Variants in PDE6B observed in about 807,000 individuals in gnomAD.
The protein encoded by PDE6B is rod cGMP-specific 3',5'-cyclic phosphodiesterase subunit beta.
In PDE6B, 106 loss-of-function variants were observed where a neutral mutation model predicts 109.0. That is an observed-to-expected ratio of 0.97 (90% confidence interval 0.83 to 1.14). The LOEUF is 1.14. PDE6B is among the 50% of genes most tolerant of loss of function. The pLI, the probability that PDE6B is intolerant of heterozygous loss-of-function variation, is 0.00. For synonymous variants in PDE6B, 490 were observed against 471.3 expected (o/e 1.04, Z -0.51); for missense variants, 1,193 against 1,155.6 (o/e 1.03, Z -0.47).
chr4:634,640 C>T (rs776240837), intron 1 of PDE6B, 37 bp from the exon 2 acceptor site: 15 of 1,585,436 alleles, frequency 9.5e-6, no homozygotes, highest in Middle Eastern at 1.7e-4. Context: ...GCCCACGGTG[C>T]GACAGCCTCT....
At position 662,961 on chromosome 4, in the gene PDE6B, C is replaced by T; in HGVS notation, c.1833-139C>T. The T allele has an allele frequency of 1.4e-6, 1 of 697,578 alleles. No homozygotes were observed. The highest frequency in any genetic ancestry group is 1.5e-5 in the South Asian group (1 of 66,490). The allele number at this position is 697,578 out of a possible 1,614,324, so 43.2% of individuals were successfully genotyped here. On this transcript the variant is annotated intron_variant, in intron 14 of 21. Transcript: ENST00000496514. This position sits in a 1 kb window ranked among gnomAD's most constrained non-coding sequence, Gnocchi z 4.3. ...AAGGCTGTATTGAGCCATGATTGCA[C>T]CACTGCACTCCAGAGTGGGTGACAG...
intron 9 of PDE6B, among the ~76,000 whole-genome samples, 158 bp downstream of exon 9, chr4:657,181 C>T (rs956541697): frequency 7.9e-5 from 12 of 152,162 alleles, no homozygotes. Context: ...AGGGCCCCCC[C>T]GGGAGCAGGA....
chr4:640,781 A>C (rs1205209045), intron 3 of PDE6B, among the ~76,000 whole-genome samples: 1 of 152,218 alleles, frequency 6.6e-6, no homozygotes, highest in Non-Finnish European at 1.5e-5. Flanking sequence ...ATCCAGCACC[A>C]TATGTAGAAA....
rs1241719893 is a variant in PDE6B, at chr4:664,177, G to C, written c.2085G>C (p.Trp695Cys). The change falls in exon 17 of 22, where the codon TGG becomes TGC. Residue 695 changes from tryptophan (W) to cysteine (C), a missense_variant. Transcript: ENST00000496514. ...AGAACTACCAGGACAAGAAGAGCTGGGTGGAGTACCTGTCCCTGGAGACGA... is the reference window on the plus strand; with the variant it reads ...AGAACTACCAGGACAAGAAGAGCTGCGTGGAGTACCTGTCCCTGGAGACGA... Reference protein sequence around the residue: ...ESKNYQDKKSWVEYLSLETTR... With the variant: ...ESKNYQDKKSCVEYLSLETTR... 1 of 1,612,152 alleles carries C rather than the reference G, an allele frequency of 6.2e-7. No individual in the cohort carries two copies. Among genetic ancestry groups the C allele is most frequent in the Admixed American group, 1.7e-5 (1 of 60,022 alleles).
chr4:631,978 C>G lies in PDE6B; in HGVS notation c.469-2699C>G, dbSNP rs902898790. Among the ~76,000 whole-genome samples the G allele has an allele frequency of 2.9e-4, 43 of 150,474 alleles. No individual in the cohort carries two copies. In the South Asian group the frequency reaches 4.0e-3, roughly 14 times the overall value. On this transcript the variant is annotated intron_variant, in intron 1 of 21. Coordinates refer to ENST00000496514, the MANE Select transcript of PDE6B (RefSeq NM_000283.4). ...GTGGCACCATCTGCTATCTCAGGGT[C>G]ACATTGCATGGATTCATGTGGCACC... is the stretch of plus-strand genomic sequence containing the variant.
chr4:642,335 G>T (rs892850464), intron 3 of PDE6B, among the ~76,000 whole-genome samples: 1 of 152,050 alleles, frequency 6.6e-6, no homozygotes, highest in Non-Finnish European at 1.5e-5. Context: ...AATTAGCCAG[G>T]CATGGTGGTG....
At chr4:644,235 G>C (rs1052110315) in intron 3 of PDE6B, among the ~76,000 whole-genome samples, 4 of 151,704 alleles carry the variant, frequency 2.6e-5, no homozygotes, top group African/African-American at 9.7e-5. Flanking sequence ...CTTTTAAAAG[G>C]TCTCTTCAGA....
Position 663,055 on chromosome 4 carries a change from C to A in PDE6B, c.1833-45C>A. 8.9e-7 allele frequency: 1 copy of A among 1,127,794 alleles called. No homozygotes were observed. Among genetic ancestry groups the A allele is most frequent in the Non-Finnish European group, 1.4e-6 (1 of 735,780 alleles). The allele number at this position is 1,127,794 out of a possible 1,614,324, so 69.9% of individuals were successfully genotyped here. On this transcript the variant is annotated intron_variant, in intron 14 of 21. Coordinates refer to ENST00000496514, the MANE Select transcript of PDE6B (RefSeq NM_000283.4). The surrounding 1 kb of genome is among the most constrained non-coding windows in gnomAD (Gnocchi z 4.0). Reference sequence around the variant, plus strand: ...GGGGGCTGCAGAGCGCAGGGTGGGCCAAGGGCAGGTCCCACGGGCCTCACC... The same window carrying A: ...GGGGGCTGCAGAGCGCAGGGTGGGCAAAGGGCAGGTCCCACGGGCCTCACC...
chr4:643,950 C>T lies in PDE6B; in HGVS notation c.711+7981C>T, dbSNP rs576204737. On this transcript the variant is annotated intron_variant, in intron 3 of 21. Transcript: ENST00000496514. The stretch of plus-strand genomic sequence containing the variant: ...TTTTTTTTTTTTTTTGAGGGAGTCT[C>T]GCTCTGTAGCCAGGCTGGAGTGCAG... Among the ~76,000 whole-genome samples, 19 of 128,138 alleles carry T rather than the reference C, an allele frequency of 1.5e-4. No homozygotes were observed. In the South Asian group the frequency reaches 2.2e-3, roughly 15 times the overall value. The allele number at this position is 128,138 out of a possible 152,430, so 84.1% of individuals were successfully genotyped here. A position where few individuals can be genotyped will look rare whatever the true frequency, so the allele number is the denominator to read the frequency against.
intron 3 of PDE6B, among the ~76,000 whole-genome samples, chr4:650,355 C>A (rs1577262902): frequency 6.6e-6 from 1 of 152,204 alleles, no homozygotes; most frequent in African/African-American, 2.4e-5. Flanking sequence ...GGTGTCCGGC[C>A]CCCCCTGTCC....
Position 654,804 on chromosome 4 carries a change from C to T in PDE6B, c.928-20C>T. 7.3e-7 allele frequency: 1 copy of T among 1,361,856 alleles called. No homozygotes were observed. Among genetic ancestry groups the T allele is most frequent in the Non-Finnish European group, 1.1e-6 (1 of 949,444 alleles). 84.4% of individuals were successfully genotyped at this position (1,361,856 alleles called of 1,614,324 possible). A position where few individuals can be genotyped will look rare whatever the true frequency, so the allele number is the denominator to read the frequency against. ...GAGCTTGGCCAGGCAGCCCCCCGAC[C>T]AGTGTCTTCTGCTTCTCAGGAAATT... On this transcript the variant is annotated intron_variant, in intron 5 of 21. Coordinates refer to ENST00000496514, the MANE Select transcript of PDE6B (RefSeq NM_000283.4).
At position 654,130 on chromosome 4, in the gene PDE6B, G is replaced by C. The variant is rs768183931; in HGVS notation, c.903G>C (p.Ser301=). ...SVLMGESQPY[S]GPRTPDGREI... ...TGATGGGAGAGTCCCAGCCGTACTC[G>C]GGCCCACGCACGCCTGATGGCCGGG... Residue 301 remains serine, a synonymous_variant, in exon 5 of 22, where the codon TCG becomes TCC. Coordinates refer to ENST00000496514, the MANE Select transcript of PDE6B (RefSeq NM_000283.4). 1 of 1,613,802 alleles carries C rather than the reference G, an allele frequency of 6.2e-7. No individual in the cohort carries two copies. Among genetic ancestry groups the C allele is most frequent in the Non-Finnish European group, 8.5e-7 (1 of 1,180,004 alleles).
At chr4:668,655 A>G (rs1380781000) in intron 21 of PDE6B, among the ~76,000 whole-genome samples, 5 of 43,234 alleles carry the variant, frequency 1.2e-4, no homozygotes, top group African/African-American at 3.2e-4. Context: ...TGCTGCTCCC[A>G]CTACCCCACG....
Position 636,874 on chromosome 4 carries a change from G to T in PDE6B, c.711+905G>T, listed in dbSNP as rs1446441756. On this transcript the variant is annotated intron_variant, in intron 3 of 21. Coordinates refer to ENST00000496514, the MANE Select transcript of PDE6B (RefSeq NM_000283.4). This position sits in a 1 kb window ranked among gnomAD's most constrained non-coding sequence, Gnocchi z 4.5. ...GGCCCCTGGGGCATCCAGCCATCCA[G>T]CCAGTGGACACCTGTGAGAAAACCC... 1.3e-5 allele frequency among the ~76,000 whole-genome samples: 2 copies of T among 152,214 alleles called. No individual in the cohort carries two copies. Among genetic ancestry groups the T allele is most frequent in the African/African-American group, 4.8e-5 (2 of 41,462 alleles).
rs192570991 is a variant in PDE6B at position 638,242 on chromosome 4, C to G, written c.711+2273C>G. Among the ~76,000 whole-genome samples the G allele has an allele frequency of 1.5e-4, 23 of 152,320 alleles. No homozygotes were observed. The East Asian group carries it at 4.4e-3, about 29-fold the overall frequency. ...ATATTTGCCATCTGTACATCTTAAT[C>G]TTTGGTGAGGTGTCTGTTCAGATCT... On this transcript the variant is annotated intron_variant, in intron 3 of 21. Transcript: ENST00000496514.
intron 3 of PDE6B, among the ~76,000 whole-genome samples, chr4:639,478 C>T (rs1300644498): frequency 1.3e-5 from 2 of 152,146 alleles, no homozygotes; most frequent in Admixed American, 1.3e-4. Context: ...GAGCAGGTCC[C>T]TTAAGTTCAT....
chr4:634,549 G>T, intron 1 of PDE6B, 128 bp from the exon 2 acceptor site: 4 of 830,374 alleles, frequency 4.8e-6, no homozygotes, highest in Non-Finnish European at 8.5e-6. Context: ...CCAGTGCCCA[G>T]CAGGGCCCCT....
chr4:650,940 A>G (rs533343740), intron 3 of PDE6B, among the ~76,000 whole-genome samples: 1 of 152,306 alleles, frequency 6.6e-6, no homozygotes, highest in Non-Finnish European at 1.5e-5. Context: ...GAAAACAAGG[A>G]GGACGGCAGA....
At chr4:630,317 C>A (rs1047449930) in intron 1 of PDE6B, among the ~76,000 whole-genome samples, 1 of 152,066 alleles carries the variant, frequency 6.6e-6, no homozygotes, top group East Asian at 1.9e-4. Context: ...CGAGGGGCAG[C>A]GGGAGGGAGC....
Sources: gnomAD v4.1 joint callset for allele counts (sites outside exome capture counted in the v4.1 genomes callset) on GRCh38, gnomAD v4.1.1 for gene constraint, Gnocchi (gnomAD v3.1) non-coding constraint, MANE v1.5 for transcripts, NCBI Gene and HGNC (gene_info 2026-07-23, HGNC 2026-07-21) for gene names.